DAB1: variants seen among roughly 807,000 people sequenced by gnomAD.
DAB1 encodes disabled homolog 1.
A neutral mutation model predicts 64.6 loss-of-function variants in DAB1; 15 were observed. The observed-to-expected ratio is 0.23, with a 90% CI of 0.16 to 0.36. The LOEUF is 0.36. DAB1 is among the 10% of genes least tolerant of loss of function. DAB1 has a pLI of 1.00. For synonymous variants in DAB1, 235 were observed against 251.9 expected (o/e 0.93, Z 0.64); for missense variants, 596 against 706.7 (o/e 0.84, Z 1.78).
At chr1:58,072,970 TG>T (rs1241332390) in intron 5 of DAB1, among the ~76,000 whole-genome samples, 1 of 152,240 alleles carries the variant, frequency 6.6e-6, no homozygotes, top group Admixed American at 6.5e-5. Flanking sequence ...TGCAGCATAA[TG>T]AAAGTAGTTT....
intron 5 of DAB1, among the ~76,000 whole-genome samples, chr1:58,095,746 C>T (rs1650939137): frequency 6.6e-6 from 1 of 152,200 alleles, no homozygotes; most frequent in East Asian, 1.9e-4. Flanking sequence ...TCTGTGTCCT[C>T]AGCTTTTACA....
chr1:58,496,664 T>C (rs56087605), intron 3 of DAB1, among the ~76,000 whole-genome samples: 22,934 of 152,148 alleles, frequency 0.15, 1,819 homozygotes, highest in Middle Eastern at 0.23. Context: ...AAGATTATCC[T>C]CATTTTTCCT....
chr1:57,330,633 G>A (rs1375897735), intron 1 of DAB1, among the ~76,000 whole-genome samples: 1 of 152,168 alleles, frequency 6.6e-6, no homozygotes, highest in African/African-American at 2.4e-5. Context: ...TCTGGCAAAC[G>A]AGAAAACAGT....
intron 3 of DAB1, among the ~76,000 whole-genome samples, chr1:58,488,343 A>G (rs1440652775): frequency 1.3e-5 from 2 of 152,220 alleles, no homozygotes; most frequent in Non-Finnish European, 2.9e-5. Flanking sequence ...TATTATTTCA[A>G]TAGGTTTTTG....
At chr1:57,787,302 T>C (rs1650380546) in intron 6 of DAB1, among the ~76,000 whole-genome samples, 2 of 152,022 alleles carry the variant, frequency 1.3e-5, no homozygotes, top group African/African-American at 4.8e-5. Context: ...GTGCAAAGAG[T>C]GTGGCATTGC....
chr1:57,384,660 T>C (rs1211076378), intron 1 of DAB1, among the ~76,000 whole-genome samples: 3 of 152,222 alleles, frequency 2.0e-5, no homozygotes, highest in African/African-American at 4.8e-5. Context: ...ATCACAATTC[T>C]ACTTTTATGA....
chr1:58,435,523 A>C (rs1246408650), intron 3 of DAB1, among the ~76,000 whole-genome samples: 1 of 152,120 alleles, frequency 6.6e-6, no homozygotes, highest in African/African-American at 2.4e-5. Flanking sequence ...GACACCCCCA[A>C]GGATGATTTC....
chr1:58,187,868 C>CA (rs1657170927), intron 4 of DAB1, among the ~76,000 whole-genome samples: 10 of 147,434 alleles, frequency 6.8e-5, no homozygotes, highest in East Asian at 4.0e-4. Context: ...TGTGAGCCAC[C>CA]TGGCCTGTTT....
intron 5 of DAB1, among the ~76,000 whole-genome samples, chr1:57,993,630 AGAAATG>A (rs1452359727): frequency 1.3e-5 from 2 of 152,230 alleles, no homozygotes; most frequent in African/African-American, 4.8e-5. Context: ...AAAACGCTAA[AGAAATG>A]ACACGGTTTT....
At chr1:58,030,057 T>C (rs928144412) in intron 5 of DAB1, among the ~76,000 whole-genome samples, 1 of 151,830 alleles carries the variant, frequency 6.6e-6, no homozygotes, top group Non-Finnish European at 1.5e-5. Flanking sequence ...AATACAAAAA[T>C]TAGCCAGGTG....
chr1:57,194,692 C>T (rs1408981603), intron 2 of DAB1, among the ~76,000 whole-genome samples: 1 of 152,164 alleles, frequency 6.6e-6, no homozygotes, highest in Non-Finnish European at 1.5e-5. Flanking sequence ...ATTCTCCTAC[C>T]ATCTGAAACC....
At chr1:58,193,133 C>T (rs182829006) in intron 4 of DAB1, among the ~76,000 whole-genome samples, 14 of 152,152 alleles carry the variant, frequency 9.2e-5, no homozygotes, top group African/African-American at 2.9e-4. Flanking sequence ...TTGGGTCGTG[C>T]GGGAAGATCC....
intron 5 of DAB1, among the ~76,000 whole-genome samples, chr1:58,083,235 C>G (rs1285890484): frequency 6.6e-6 from 1 of 152,142 alleles, no homozygotes; most frequent in Non-Finnish European, 1.5e-5. Flanking sequence ...AAAAAGCAAG[C>G]TCACCCTAAG....
At chr1:57,550,030 A>T (rs1337278710) in intron 7 of DAB1, among the ~76,000 whole-genome samples, 1 of 152,206 alleles carries the variant, frequency 6.6e-6, no homozygotes, top group Non-Finnish European at 1.5e-5. Flanking sequence ...GAACAGAAAT[A>T]TGATATGGAT....
chr1:57,325,969 T>C (rs1240439), intron 1 of DAB1, among the ~76,000 whole-genome samples: 68,142 of 151,938 alleles, frequency 0.45, 16,275 homozygotes, highest in East Asian at 0.89. Context: ...AGTAATTGCT[T>C]GACTTCTTTC....
intron 5 of DAB1, among the ~76,000 whole-genome samples, chr1:58,018,089 G>A (rs1282480901): frequency 8.6e-6 from 1 of 116,506 alleles, no homozygotes; most frequent in Non-Finnish European, 1.8e-5. Flanking sequence ...GCTTTTTACT[G>A]CATTCTAAGT....
chr1:58,275,152 T>G (rs1332828584), intron 4 of DAB1, among the ~76,000 whole-genome samples: 2 of 152,164 alleles, frequency 1.3e-5, no homozygotes, highest in Admixed American at 6.5e-5. Context: ...ATTTAGACCT[T>G]TATGTGATAC....
At chr1:57,019,343 CCCCT>C (rs1343722567) in intron 11 of DAB1, among the ~76,000 whole-genome samples, 1 of 152,026 alleles carries the variant, frequency 6.6e-6, no homozygotes, top group Non-Finnish European at 1.5e-5. Context: ...GGTTTTTTTT[CCCCT>C]CCCATCTTTT....
intron 2 of DAB1, among the ~76,000 whole-genome samples, chr1:57,224,952 C>T (rs951127064): frequency 6.6e-6 from 1 of 152,170 alleles, no homozygotes; most frequent in Non-Finnish European, 1.5e-5. Context: ...CAAAAACAAA[C>T]AAACAAATCT....
Sources: allele counts gnomAD v4.1 joint callset (sites outside exome capture counted in the v4.1 genomes callset), GRCh38; gene constraint gnomAD v4.1.1; transcripts MANE v1.5; gene names NCBI Gene and HGNC (gene_info 2026-07-23, HGNC 2026-07-21).